Variants in KIAA1549 observed in about 807,000 individuals in gnomAD.
KIAA1549 encodes the protein KIAA1549.
Under a neutral mutation model 156.4 loss-of-function variants are expected in KIAA1549, and 70 were observed. The observed-to-expected ratio is 0.45, with a 90% CI of 0.37 to 0.55. KIAA1549 has a LOEUF of 0.55. Among genes scored for constraint, KIAA1549 ranks in the 20% least tolerant of loss-of-function variants. The probability of loss-of-function intolerance (pLI) is 0.00; values close to 1 mark genes in which losing one functional copy is unlikely to be tolerated. For synonymous variants in KIAA1549, 1,103 were observed against 1,066.4 expected, an observed-to-expected ratio of 1.03 and a Z score of -0.67; for missense variants, 2,428 against 2,540.9, an observed-to-expected ratio of 0.96 and a Z score of 0.96.
At chr7:138,961,433 C>T (rs930205152) in intron 1 of KIAA1549, among the ~76,000 whole-genome samples, 33 of 151,936 alleles carry the variant, frequency 2.2e-4, no homozygotes, top group Non-Finnish European at 1.2e-4. Context: ...GCTTTGGGAT[C>T]GGCCCCATGA....
rs1181415226 is a variant in KIAA1549, at chr7:138,861,218, G to A, written c.5168C>T (p.Thr1723Ile). The A allele has an allele frequency of 1.2e-6, 2 of 1,613,378 alleles. No homozygotes were observed. Among genetic ancestry groups the A allele is most frequent in the African/African-American group, 2.7e-5 (2 of 74,922 alleles). Reference protein sequence around the residue: ...GVPPGLPANSTPSQEERRATQ... With the variant: ...GVPPGLPANSIPSQEERRATQ... ...GGCTCGCCTCTCTTCCTGGGAAGGG[G>A]TGCTGTTTGCGGGCAGGCCGGGTGG... Residue 1723 changes from threonine to isoleucine, a missense_variant, in exon 16 of 20, where the codon ACC (threonine) becomes ATC (isoleucine). Physicochemically the swap from Thr to Ile is moderately conservative, Grantham distance 89. Transcript: ENST00000422774.
chr7:138,903,838 TGTGTGTGTGTGTGTGCGCGCGCGCGCGC>T, intron 7 of KIAA1549, 102 bp from the exon 8 acceptor site: 1 of 534,346 alleles, frequency 1.9e-6, no homozygotes, highest in Non-Finnish European at 2.8e-6. Flanking sequence ...TGTGTGTGTG[TGTGTGTGTGTGTGTGCGCGCGCGCGCGC>T]GCGCACATAT....
chr7:138,847,244 T>C (rs547934094), intron 17 of KIAA1549, among the ~76,000 whole-genome samples: 41 of 152,328 alleles, frequency 2.7e-4, no homozygotes, highest in African/African-American at 9.4e-4. Context: ...ACAACACTTC[T>C]GAGGGTAAAA....
At chr7:138,874,023 A>T (rs958675048) in intron 12 of KIAA1549, among the ~76,000 whole-genome samples, 2 of 148,272 alleles carry the variant, frequency 1.3e-5, no homozygotes, top group Non-Finnish European at 3.0e-5. Flanking sequence ...TATGTAATAT[A>T]TAATTAGTAA....
chr7:138,979,662 T>C (rs1316813109), intron 1 of KIAA1549, among the ~76,000 whole-genome samples: 1 of 152,226 alleles, frequency 6.6e-6, no homozygotes, highest in Non-Finnish European at 1.5e-5. Context: ...CAATGATCTC[T>C]TCTCCTCTGG....
chr7:138,869,768 A>G lies in KIAA1549; in HGVS notation c.4552-7T>C, dbSNP rs1810871861. 1 of 1,604,730 alleles carries G rather than the reference A, an allele frequency of 6.2e-7. No homozygotes were observed. Among genetic ancestry groups the G allele is most frequent in the South Asian group, 1.1e-5 (1 of 90,340 alleles). On this transcript the variant is annotated splice_polypyrimidine_tract_variant and splice_region_variant and intron_variant, in intron 13 of 19. Transcript: ENST00000422774. ...GCCGCAGCGCGGTCTGAATCTGAGG[A>G]AGGGTGAGGGAGAGAAAGACAGCCA... is the stretch of plus-strand genomic sequence containing the variant.
At chr7:138,910,700 A>ATT (rs10686011) in intron 4 of KIAA1549, among the ~76,000 whole-genome samples, 1,324 of 111,984 alleles carry the variant, frequency 0.012, 84 homozygotes, top group African/African-American at 0.03. Context: ...ACTTGGTCTA[A>ATT]TTTTTTTTTT....
At chr7:138,886,371 A>G (rs537289037) in intron 10 of KIAA1549, among the ~76,000 whole-genome samples, 2 of 152,048 alleles carry the variant, frequency 1.3e-5, no homozygotes, top group African/African-American at 4.8e-5. Flanking sequence ...ATCTCCCAAG[A>G]CCAAGCAATC....
rs547013490 is a variant in KIAA1549 at position 138,942,933 on chromosome 7, G to C, written c.188-23495C>G. ...CAAAAAAAAAAAAAAGTAAGCTGGA[G>C]GTTGGACCAGAAGCAAGAAAATTCA... On this transcript the variant is annotated intron_variant, in intron 1 of 19. Coordinates refer to ENST00000422774, the MANE Select transcript of KIAA1549 (RefSeq NM_001164665.2). Among the ~76,000 whole-genome samples, 36 of 151,960 alleles carry C rather than the reference G, an allele frequency of 2.4e-4. No individual in the cohort carries two copies. The South Asian group carries it at 2.7e-3, about 11-fold the overall frequency.
At chr7:138,911,085 A>G (rs1812157413) in intron 4 of KIAA1549, 61 bp downstream of exon 4, 1 of 1,138,886 alleles carries the variant, frequency 8.8e-7, no homozygotes, top group South Asian at 1.7e-5. Context: ...ATATTTTAGA[A>G]AGATAAAAAA....
rs141920013 is a variant in KIAA1549, at chr7:138,859,910, C to A, written c.5247+1229G>T. On this transcript the variant is annotated intron_variant, in intron 16 of 19. Coordinates refer to ENST00000422774, the MANE Select transcript of KIAA1549 (RefSeq NM_001164665.2). ...AACATCCTTCTTCAACTGACAACCACTAATTATCCTTTAGACTTCCACAGA... is the reference window on the plus strand; with the variant it reads ...AACATCCTTCTTCAACTGACAACCAATAATTATCCTTTAGACTTCCACAGA... Among the ~76,000 whole-genome samples the A allele has an allele frequency of 2.0e-5, 3 of 152,348 alleles. No homozygotes were observed. In the East Asian group the frequency reaches 5.8e-4, roughly 29 times the overall value.
At position 138,835,948 on chromosome 7, in the gene KIAA1549, A is replaced by G. The variant is rs998896570; in HGVS notation, c.*1958T>C. 5 of 213,670 alleles carry G rather than the reference A, an allele frequency of 2.3e-5. No individual in the cohort carries two copies. The highest frequency in any genetic ancestry group is 5.9e-5 in the Admixed American group (1 of 17,080). 13.2% of individuals were successfully genotyped at this position (213,670 alleles called of 1,614,324 possible). On this transcript the variant is annotated 3_prime_UTR_variant, in exon 20 of 20. Transcript: ENST00000422774. ...CCCAGATGAAAACTGGCTACATCTT[A>G]CCTTCCCAGAACCAACTTCCCTCAT... is the stretch of plus-strand genomic sequence containing the variant.
In KIAA1549 at chr7:138,855,862, T is replaced by C. The variant is rs183063390; in HGVS notation, c.5248-3593A>G. 1.5e-4 allele frequency among the ~76,000 whole-genome samples: 21 copies of C among 138,842 alleles called. 1 individual carries two copies. The highest frequency in any genetic ancestry group is 1.2e-3 in the Admixed American group (16 of 13,294). 91.1% of individuals were successfully genotyped at this position (138,842 alleles called of 152,430 possible). On this transcript the variant is annotated intron_variant, in intron 16 of 19. Transcript: ENST00000422774. ...GCCACATTTCTTCTGTTATTCTCAA[T>C]GGATGATGACTCTGCCTTCTCTGCT...
At chr7:138,933,838 T>C (rs1172999174) in intron 1 of KIAA1549, among the ~76,000 whole-genome samples, 6 of 152,142 alleles carry the variant, frequency 3.9e-5, no homozygotes, top group African/African-American at 1.4e-4. Flanking sequence ...TGGCGGCACG[T>C]GCCTGTAATC....
intron 1 of KIAA1549, among the ~76,000 whole-genome samples, chr7:138,978,688 G>A (rs1025442759): frequency 1.3e-5 from 2 of 152,182 alleles, no homozygotes; most frequent in Non-Finnish European, 2.9e-5. Context: ...CACATAGGAA[G>A]TCCAAAACAG....
At chr7:138,888,660 G>A (rs938234205) in intron 10 of KIAA1549, among the ~76,000 whole-genome samples, 3 of 152,196 alleles carry the variant, frequency 2.0e-5, no homozygotes, top group African/African-American at 7.2e-5. Context: ...AATCATTGAT[G>A]TATGTATGGG....
In KIAA1549 at chr7:138,834,972, G is replaced by T; in HGVS notation, c.*2934C>A. 1.2e-4 allele frequency: 22 copies of T among 180,562 alleles called. No individual in the cohort carries two copies. Among genetic ancestry groups the T allele is most frequent in the Non-Finnish European group, 1.8e-4 (16 of 90,056 alleles). The allele number at this position is 180,562 out of a possible 1,614,324, so 11.2% of individuals were successfully genotyped here. On this transcript the variant is annotated 3_prime_UTR_variant, in exon 20 of 20. Transcript: ENST00000422774. ...GTCAGTGAGTGACAAAGTAGTCTCT[G>T]AAAAAAAAAAAAACAACATTTCTCC...
chr7:138,952,942 A>G (rs1360050660), intron 1 of KIAA1549, among the ~76,000 whole-genome samples: 4 of 152,094 alleles, frequency 2.6e-5, no homozygotes, highest in African/African-American at 9.7e-5. Context: ...TTCTCCTATC[A>G]CCATTCTCCT....
At chr7:138,935,677 A>G (rs1321225149) in intron 1 of KIAA1549, among the ~76,000 whole-genome samples, 4 of 152,218 alleles carry the variant, frequency 2.6e-5, no homozygotes, top group Non-Finnish European at 5.9e-5. Flanking sequence ...GCCAGCAGCA[A>G]TGAACATCCA....
Sources: gnomAD v4.1 joint callset for allele counts (sites outside exome capture counted in the v4.1 genomes callset) on GRCh38, gnomAD v4.1.1 for gene constraint, MANE v1.5 for transcripts, NCBI Gene and HGNC (gene_info 2026-07-23, HGNC 2026-07-21) for gene names.